The following SAV1 variants were observed in gnomAD, a reference collection of about 807,000 sequenced individuals.
SAV1 encodes the protein salvador family WW domain containing protein 1.
In SAV1, 23 loss-of-function variants were observed where a neutral mutation model predicts 47.3. The observed-to-expected ratio is 0.49, with a 90% CI of 0.35 to 0.69. The LOEUF is 0.69. Among genes scored for constraint, SAV1 ranks in the 30% least tolerant of loss-of-function variants. The probability of loss-of-function intolerance (pLI) is 0.01; values close to 1 mark genes in which losing one functional copy is unlikely to be tolerated. For synonymous variants in SAV1, 155 were observed against 159.2 expected, an observed-to-expected ratio of 0.97 and a Z score of 0.20; for missense variants, 448 against 457.4, an observed-to-expected ratio of 0.98 and a Z score of 0.19.
intron 3 of SAV1, among the ~76,000 whole-genome samples, chr14:50,641,333 A>G (rs2039679433): frequency 6.6e-6 from 1 of 152,080 alleles, no homozygotes; most frequent in African/African-American, 2.4e-5. Context: ...ACTTTTACCA[A>G]CTCAAGAGAA....
intron 2 of SAV1, among the ~76,000 whole-genome samples, chr14:50,653,957 T>A (rs1432778199): frequency 1.3e-5 from 2 of 152,004 alleles, no homozygotes; most frequent in African/African-American, 4.8e-5. Flanking sequence ...CAGGTCTTAA[T>A]AAAAAAAATT....
chr14:50,645,768 C>G (rs562823423), intron 2 of SAV1, among the ~76,000 whole-genome samples: 1 of 151,952 alleles, frequency 6.6e-6, no homozygotes, highest in Admixed American at 6.5e-5. Context: ...AAACCATTCC[C>G]GGTTATAAAT....
intron 2 of SAV1, among the ~76,000 whole-genome samples, chr14:50,645,597 C>T (rs985352667): frequency 1.3e-5 from 2 of 151,128 alleles, no homozygotes; most frequent in Admixed American, 6.6e-5. Flanking sequence ...AAATCTCAAA[C>T]ACTTCTGGTC....
At chr14:50,650,979 G>A (rs904328134) in intron 2 of SAV1, among the ~76,000 whole-genome samples, 4 of 151,440 alleles carry the variant, frequency 2.6e-5, no homozygotes, top group Admixed American at 6.6e-5. Flanking sequence ...CCGAGAGCGC[G>A]CCACTGCACT....
rs184846457 is a variant in SAV1, at chr14:50,660,667, A to G, written c.535+4512T>C. Among the ~76,000 whole-genome samples, 40 of 152,314 alleles carry G rather than the reference A, an allele frequency of 2.6e-4. 1 individual carries two copies. The highest frequency in any genetic ancestry group is 2.3e-3 in the Admixed American group (35 of 15,296). ...TTAGCTATTTCAAAATGTTAACTGT[A>G]GTTACCCTACTCTGCTATCAAACCT... On this transcript the variant is annotated intron_variant, in intron 2 of 4. Transcript: ENST00000324679.
At chr14:50,645,822 T>A (rs1020496965) in intron 2 of SAV1, among the ~76,000 whole-genome samples, 17 of 152,256 alleles carry the variant, frequency 1.1e-4, no homozygotes, top group African/African-American at 3.9e-4. Flanking sequence ...TTAAGTAAGC[T>A]TAAGGTAGCA....
At chr14:50,635,445 A>G in intron 4 of SAV1, 61 bp from the exon 5 acceptor site, 1 of 1,273,106 alleles carries the variant, frequency 7.9e-7, no homozygotes. Flanking sequence ...TATTTCTAGC[A>G]AGAAACTAGT....
intron 2 of SAV1, among the ~76,000 whole-genome samples, chr14:50,656,817 A>G (rs1171176734): frequency 6.6e-6 from 1 of 152,160 alleles, no homozygotes; most frequent in Non-Finnish European, 1.5e-5. Context: ...TACAAAATCT[A>G]TTGAGATAAA....
chr14:50,667,815 G>A (rs2039916038), intron 1 of SAV1, 59 bp downstream of exon 1: 2 of 1,414,918 alleles, frequency 1.4e-6, no homozygotes, highest in African/African-American at 1.5e-5. Context: ...CCCCCGCCAG[G>A]GTCCCCGGAG....
rs542326198 is a variant in SAV1 at position 50,648,647 on chromosome 14, G to A, written c.536-3633C>T. On this transcript the variant is annotated intron_variant, in intron 2 of 4. Coordinates refer to ENST00000324679, the MANE Select transcript of SAV1 (RefSeq NM_021818.4). ...ACAAAAATTAGCTGGGCGTGGTGGC[G>A]GGCGCCTGTAGTCCCAGCTACTTGG... 2.2e-3 allele frequency among the ~76,000 whole-genome samples: 337 copies of A among 152,016 alleles called. 11 individuals are homozygous for A. In the South Asian group the frequency reaches 0.065, roughly 29 times the overall value.
rs544446994 is a variant in SAV1 at position 50,661,707 on chromosome 14, C to A, written c.535+3472G>T. 2.6e-5 allele frequency among the ~76,000 whole-genome samples: 4 copies of A among 152,272 alleles called. No homozygotes were observed. In the South Asian group the frequency reaches 8.3e-4, roughly 32 times the overall value. On this transcript the variant is annotated intron_variant, in intron 2 of 4. Coordinates refer to ENST00000324679, the MANE Select transcript of SAV1 (RefSeq NM_021818.4). ...AAGAAAGTGTCCTTTTCCCAATGCA[C>A]GTTCTTGGTGCTTTTGTAAAAAAAT...
Position 50,662,316 on chromosome 14 carries a change from C to G in SAV1, c.535+2863G>C, listed in dbSNP as rs1364864893. On this transcript the variant is annotated intron_variant, in intron 2 of 4. Transcript: ENST00000324679. Reference sequence around the variant, plus strand: ...CCCAAGTAGCTGGGACTACAGGCGCCTGCCACCACGCCCGGCTAATTTTTT... The same window carrying G: ...CCCAAGTAGCTGGGACTACAGGCGCGTGCCACCACGCCCGGCTAATTTTTT... Among the ~76,000 whole-genome samples, 19 of 152,258 alleles carry G rather than the reference C, an allele frequency of 1.2e-4. No homozygotes were observed. The East Asian group carries it at 3.1e-3, about 25-fold the overall frequency.
intron 2 of SAV1, among the ~76,000 whole-genome samples, chr14:50,661,950 G>A (rs1407335545): frequency 6.6e-6 from 1 of 152,064 alleles, no homozygotes; most frequent in Non-Finnish European, 1.5e-5. Flanking sequence ...TGGGTATTTG[G>A]GCTCCTTGTT....
intron 2 of SAV1, among the ~76,000 whole-genome samples, chr14:50,657,096 G>A (rs1477300710): frequency 6.9e-6 from 1 of 144,980 alleles, no homozygotes; most frequent in East Asian, 2.0e-4. Flanking sequence ...GCACAATCTT[G>A]GCTCACTGCA....
At chr14:50,652,058 T>C (rs1330884477) in intron 2 of SAV1, among the ~76,000 whole-genome samples, 1 of 152,194 alleles carries the variant, frequency 6.6e-6, no homozygotes, top group African/African-American at 2.4e-5. Flanking sequence ...CTAGTTATGC[T>C]ACAGATAAAG....
Position 50,635,263 on chromosome 14 carries a change from T to G in SAV1, c.1072A>C (p.Arg358=), listed in dbSNP as rs1203334761. ...EQIVKMYEAY[R]QALLTELENR... ...TCCAACTCTGTAAGAAGGGCTTGTC[T>G]GTATGCTTCATACATTTTAACAATC... Residue 358 remains arginine (R), a synonymous_variant, in exon 5 of 5, where the codon AGA becomes CGA. Transcript: ENST00000324679. 1.8e-5 allele frequency: 29 copies of G among 1,614,072 alleles called. No homozygotes were observed. The East Asian group carries it at 6.0e-4, about 33-fold the overall frequency.
intron 4 of SAV1, among the ~76,000 whole-genome samples, chr14:50,637,329 T>C (rs574081804): frequency 1.3e-5 from 2 of 152,288 alleles, no homozygotes; most frequent in East Asian, 1.9e-4. Flanking sequence ...GAAACAGTTA[T>C]AAGGTATTTC....
Position 50,635,251 on chromosome 14 carries a change from G to C in SAV1, c.1084C>G (p.Leu362Val), listed in dbSNP as rs753499965. The C allele has an allele frequency of 1.5e-5, 25 of 1,614,168 alleles. No homozygotes were observed. In the South Asian group the frequency reaches 2.7e-4, roughly 18 times the overall value. The change falls in exon 5 of 5, where the codon CTT (leucine) becomes GTT (valine). Residue 362 changes from leucine to valine, a missense_variant. By Grantham distance (32) the Leu-to-Val change is conservative. Coordinates refer to ENST00000324679, the MANE Select transcript of SAV1 (RefSeq NM_021818.4). ...KMYEAYRQALLTELENRKQRQ... is the reference protein window; with the variant it reads ...KMYEAYRQALVTELENRKQRQ... The stretch of plus-strand genomic sequence containing the variant: ...TGCTTTCGGTTTTCCAACTCTGTAA[G>C]AAGGGCTTGTCTGTATGCTTCATAC...
At chr14:50,651,555 C>G (rs889220410) in intron 2 of SAV1, among the ~76,000 whole-genome samples, 3 of 152,072 alleles carry the variant, frequency 2.0e-5, no homozygotes, top group African/African-American at 7.2e-5. Flanking sequence ...GTAAACAAAT[C>G]TAAGAGTACA....
Sources: allele counts gnomAD v4.1 joint callset (sites outside exome capture counted in the v4.1 genomes callset), GRCh38; gene constraint gnomAD v4.1.1; transcripts MANE v1.5; gene names NCBI Gene and HGNC (gene_info 2026-07-23, HGNC 2026-07-21).